The following ANKFN1 variants were observed in gnomAD, a reference collection of about 807,000 sequenced individuals.
ANKFN1 encodes ankyrin repeat and fibronectin type III domain containing 1, also known as ankyrin repeat and fibronectin type-III domain-containing protein 1.
In ANKFN1, 74 loss-of-function variants were observed where a neutral mutation model predicts 108.7. The ratio of observed to expected loss-of-function variants is 0.68; its 90% CI spans 0.56 to 0.83. The LOEUF is 0.83. Ranked by LOEUF, ANKFN1 falls within the 40% of genes least tolerant of loss-of-function variation. ANKFN1 has a pLI of 0.00. For synonymous variants in ANKFN1, 547 were observed against 516.2 expected, an observed-to-expected ratio of 1.06 and a Z score of -0.81; for missense variants, 1,505 against 1,382.3, an observed-to-expected ratio of 1.09 and a Z score of -1.41.
At chr17:56,065,853 T>C (rs1437700624) in intron 4 of ANKFN1, among the ~76,000 whole-genome samples, 1 of 152,208 alleles carries the variant, frequency 6.6e-6, no homozygotes, top group Non-Finnish European at 1.5e-5. Context: ...TACTAAAATG[T>C]GGCACAGAGA....
intron 11 of ANKFN1, among the ~76,000 whole-genome samples, chr17:56,456,439 TG>T (rs1201475465): frequency 7.0e-6 from 1 of 143,400 alleles, no homozygotes; most frequent in Non-Finnish European, 1.5e-5. Flanking sequence ...ATTCTCGCTC[TG>T]TCGCCCAGGC....
At chr17:56,327,805 A>G (rs140903762) in intron 4 of ANKFN1, among the ~76,000 whole-genome samples, 30 of 152,350 alleles carry the variant, frequency 2.0e-4, no homozygotes, top group African/African-American at 6.3e-4. Context: ...AACTCAGTTA[A>G]TGTTTTCATG....
At position 56,172,912 on chromosome 17, in the gene ANKFN1, G is replaced by C. The variant is rs141180299; in HGVS notation, c.-71+19382G>C. On this transcript the variant is annotated intron_variant, in intron 1 of 20. Transcript: ENST00000682825. ...CCCTGGAGCACTTGTATCATCTGTT[G>C]TCGGCACTGCACACTTAGCTCTTAG... Among the ~76,000 whole-genome samples, 5 of 152,296 alleles carry C rather than the reference G, an allele frequency of 3.3e-5. No individual in the cohort carries two copies. The East Asian group carries it at 9.6e-4, about 29-fold the overall frequency.
At chr17:56,177,300 A>G (rs1598184906) in intron 1 of ANKFN1, among the ~76,000 whole-genome samples, 2 of 152,226 alleles carry the variant, frequency 1.3e-5, no homozygotes, top group East Asian at 3.8e-4. Flanking sequence ...GCCTCAGGCC[A>G]CTGTGTGCAT....
chr17:56,152,227 C>A (rs1007385349), upstream of ANKFN1, among the ~76,000 whole-genome samples: 8 of 150,224 alleles, frequency 5.3e-5, no homozygotes, highest in African/African-American at 1.7e-4. Flanking sequence ...ATATAAGAAG[C>A]TCACCATCTT....
At chr17:56,439,727 G>C (rs1208404615) in intron 8 of ANKFN1, among the ~76,000 whole-genome samples, 3 of 152,082 alleles carry the variant, frequency 2.0e-5, no homozygotes, top group African/African-American at 7.2e-5. Flanking sequence ...ATGAAAGGAG[G>C]CTTCTTTATT....
intron 3 of ANKFN1, 102 bp from the exon 4 acceptor site, chr17:56,326,119 A>T (rs2045508091): frequency 2.8e-6 from 4 of 1,447,956 alleles, no homozygotes; most frequent in Admixed American, 4.7e-5. Context: ...TTCTCTCCCT[A>T]TGCATCATTT....
intron 3 of ANKFN1, among the ~76,000 whole-genome samples, chr17:56,323,921 A>C (rs779245744): frequency 3.9e-5 from 6 of 152,228 alleles, no homozygotes; most frequent in Non-Finnish European, 8.8e-5. Flanking sequence ...GCAGAGTATA[A>C]GGTGTCGTGC....
intron 4 of ANKFN1, among the ~76,000 whole-genome samples, chr17:56,070,636 G>A (rs1362039798): frequency 6.6e-6 from 1 of 152,012 alleles, no homozygotes; most frequent in African/African-American, 2.4e-5. Context: ...CTCTTAACCT[G>A]CCACCTCTCC....
At chr17:56,406,284 A>T (rs192803566) in intron 8 of ANKFN1, among the ~76,000 whole-genome samples, 2 of 152,146 alleles carry the variant, frequency 1.3e-5, no homozygotes, top group African/African-American at 4.8e-5. Flanking sequence ...AAATTTCCAC[A>T]GTGTTTTTTC....
chr17:56,049,638 A>G lies in ANKFN1; in HGVS notation c.288+3313A>G, dbSNP rs369251530. 1.1e-3 allele frequency among the ~76,000 whole-genome samples: 171 copies of G among 150,456 alleles called. 1 individual carries two copies. Among genetic ancestry groups the G allele is most frequent in the South Asian group, 8.6e-3 (41 of 4,768 alleles). ...TTCCCACCTATGAGTGAGAATATGC[A>G]GTGTTTGGTTTTTTGTTCTTGCGAT... On this transcript the variant is annotated intron_variant, in intron 4 of 12. Coordinates refer to the ANKFN1 transcript ENST00000635860.
At chr17:56,359,153 A>T (rs2046448985) in intron 6 of ANKFN1, among the ~76,000 whole-genome samples, 1 of 152,188 alleles carries the variant, frequency 6.6e-6, no homozygotes, top group African/African-American at 2.4e-5. Context: ...CCTTTGTGAC[A>T]GCCTTGTCTT....
At chr17:56,129,489 A>C (rs1169750398) in intron 4 of ANKFN1, among the ~76,000 whole-genome samples, 1 of 64,170 alleles carries the variant, frequency 1.6e-5, no homozygotes, top group African/African-American at 4.3e-5. Flanking sequence ...CCACTCCATA[A>C]AAAAAAAAAA....
At position 56,511,278 on chromosome 17, in the gene ANKFN1, A is replaced by T. The variant is rs1465771103; in HGVS notation, c.*9A>T. On this transcript the variant is annotated 3_prime_UTR_variant, in exon 21 of 21. Coordinates refer to ENST00000682825, the MANE Select transcript of ANKFN1 (RefSeq NM_001370326.1). ...TCAGCAGCATGCTTTAGGGAGGCCC[A>T]TCCCGGCTGTCCACCCCTCCATGGC... The T allele has an allele frequency of 6.6e-7, 1 of 1,503,890 alleles. No homozygotes were observed. The allele number at this position is 1,503,890 out of a possible 1,614,324, so 93.2% of individuals were successfully genotyped here. A position where few individuals can be genotyped will look rare whatever the true frequency, so the allele number is the denominator to read the frequency against.
At chr17:56,386,092 C>T (rs1396967269) in intron 8 of ANKFN1, among the ~76,000 whole-genome samples, 1 of 151,942 alleles carries the variant, frequency 6.6e-6, no homozygotes, top group Admixed American at 6.6e-5. Context: ...CAATGATAGA[C>T]TGGATTAAGA....
intron 17 of ANKFN1, among the ~76,000 whole-genome samples, 174 bp from the exon 18 acceptor site, chr17:56,482,182 T>TC (rs1424537079): frequency 6.6e-6 from 1 of 152,246 alleles, no homozygotes; most frequent in Non-Finnish European, 1.5e-5. Flanking sequence ...CTGCCTTAAA[T>TC]CTTGATTTTA....
chr17:56,453,230 G>T (rs185078723), intron 11 of ANKFN1, among the ~76,000 whole-genome samples: 1 of 151,272 alleles, frequency 6.6e-6, no homozygotes, highest in Admixed American at 6.6e-5. Flanking sequence ...CCTTATTTGC[G>T]TGCATAGTTC....
chr17:56,477,673 A>C lies in ANKFN1; in HGVS notation c.1940+19A>C. On this transcript the variant is annotated intron_variant, in intron 16 of 20. Coordinates refer to ENST00000682825, the MANE Select transcript of ANKFN1 (RefSeq NM_001370326.1). Reference sequence around the variant, plus strand: ...TTTCTAGGTAAGTGATCAGGAGTTAAGATTTTCCTTGTGATGAAACAGTGG... The same window carrying C: ...TTTCTAGGTAAGTGATCAGGAGTTACGATTTTCCTTGTGATGAAACAGTGG... 6.2e-7 allele frequency: 1 copy of C among 1,609,608 alleles called. No homozygotes were observed. Among genetic ancestry groups the C allele is most frequent in the Non-Finnish European group, 8.5e-7 (1 of 1,177,882 alleles).
chr17:56,267,800 T>C (rs1418395021), intron 3 of ANKFN1, among the ~76,000 whole-genome samples: 5 of 152,194 alleles, frequency 3.3e-5, no homozygotes, highest in Non-Finnish European at 7.3e-5. Flanking sequence ...ATTGTAGGCT[T>C]CTAGTATAAT....
Sources: allele counts gnomAD v4.1 joint callset (sites outside exome capture counted in the v4.1 genomes callset), GRCh38; gene constraint gnomAD v4.1.1; transcripts MANE v1.5; gene names NCBI Gene and HGNC (gene_info 2026-07-23, HGNC 2026-07-21).